The following ACYP2 variants were observed in gnomAD, a reference collection of about 807,000 sequenced individuals.
The protein encoded by ACYP2 is acylphosphatase-2.
In ACYP2, 12 loss-of-function variants were observed where a neutral mutation model predicts 11.2. The ratio of observed to expected loss-of-function variants is 1.08; its 90% CI spans 0.69 to 1.74. The LOEUF is 1.74. Ranked by LOEUF, ACYP2 falls within the 40% of genes most tolerant of loss-of-function variation. The pLI, the probability that ACYP2 is intolerant of heterozygous loss-of-function variation, is 0.00. For missense variants in ACYP2, 134 were observed against 101.9 expected, an observed-to-expected ratio of 1.31 and a Z score of -1.35; for synonymous variants, 43 against 32.2, an observed-to-expected ratio of 1.33 and a Z score of -1.13.
At chr2:54,186,990 T>A (rs1311944439) in intron 6 of ACYP2, among the ~76,000 whole-genome samples, 3 of 152,178 alleles carry the variant, frequency 2.0e-5, no homozygotes, top group Non-Finnish European at 4.4e-5. Flanking sequence ...AAAGGCACAT[T>A]GTCCAGCTTT....
At chr2:53,984,266 A>G (rs1031041953) in intron 2 of ACYP2, among the ~76,000 whole-genome samples, 17 of 152,168 alleles carry the variant, frequency 1.1e-4, no homozygotes, top group African/African-American at 4.1e-4. Flanking sequence ...TCCCACCTGA[A>G]CATAGATGGA....
chr2:54,120,530 G>A (rs1003920079), intron 4 of ACYP2, among the ~76,000 whole-genome samples: 2 of 152,046 alleles, frequency 1.3e-5, no homozygotes, highest in Non-Finnish European at 1.5e-5. Context: ...TTTTGACTGA[G>A]TTTTTTTAGA....
intron 6 of ACYP2, among the ~76,000 whole-genome samples, chr2:54,149,462 T>G (rs1682045096): frequency 6.6e-6 from 1 of 152,266 alleles, no homozygotes; most frequent in Admixed American, 6.5e-5. Context: ...CTGCCAACAT[T>G]TTTTGATGCA....
chr2:54,075,671 G>C (rs192710792), intron 4 of ACYP2, among the ~76,000 whole-genome samples: 4 of 152,172 alleles, frequency 2.6e-5, no homozygotes, highest in South Asian at 2.1e-4. Context: ...AAATTAGCCA[G>C]GTGTGGTGGT....
intron 6 of ACYP2, among the ~76,000 whole-genome samples, chr2:54,146,076 T>A (rs773093120): frequency 6.6e-5 from 10 of 152,256 alleles, no homozygotes; most frequent in Admixed American, 1.3e-4. Context: ...GGCAAAAAGT[T>A]TGCATCTCTG....
intron 6 of ACYP2, among the ~76,000 whole-genome samples, chr2:54,246,738 A>G (rs1686972638): frequency 6.6e-5 from 10 of 152,120 alleles, no homozygotes; most frequent in Admixed American, 6.6e-4. Context: ...TAGGATGTTA[A>G]GTAATGGTGG....
intron 4 of ACYP2, among the ~76,000 whole-genome samples, chr2:54,134,484 T>A (rs1434552238): frequency 6.6e-6 from 1 of 152,218 alleles, no homozygotes; most frequent in Admixed American, 6.5e-5. Flanking sequence ...TCTTAAAAGT[T>A]GAGGACAGCT....
At chr2:54,163,393 G>T (rs1682811038) in intron 6 of ACYP2, among the ~76,000 whole-genome samples, 1 of 152,128 alleles carries the variant, frequency 6.6e-6, no homozygotes. Flanking sequence ...TGTTTGCCAG[G>T]ATCTGTCTCT....
rs1674818490 is a variant in ACYP2 at position 54,035,116 on chromosome 2, TA to T, written c.63-15840del. ...AGCCCCAGCCTTGGGCAAAATCACT[TA>T]ACTTCTCTAGGCCCCAGTTTCTTTT... On this transcript the variant is annotated intron_variant, in intron 2 of 6. Transcript: ENST00000607452. 2.0e-5 allele frequency among the ~76,000 whole-genome samples: 3 copies of T among 151,434 alleles called. No homozygotes were observed. The South Asian group carries it at 6.3e-4, about 32-fold the overall frequency.
chr2:54,066,412 G>A (rs925700722), intron 4 of ACYP2, among the ~76,000 whole-genome samples: 3 of 152,134 alleles, frequency 2.0e-5, no homozygotes, highest in Non-Finnish European at 2.9e-5. Flanking sequence ...AAATTACCCA[G>A]TCTTAAGTAG....
chr2:54,051,382 G>A (rs1302445565), intron 3 of ACYP2: 18 of 753,062 alleles, frequency 2.4e-5, no homozygotes, highest in Non-Finnish European at 3.2e-5. Context: ...AGAGAAAAGT[G>A]AAGACATGGC....
At chr2:54,102,426 A>T (rs1678944456) in intron 4 of ACYP2, among the ~76,000 whole-genome samples, 1 of 152,088 alleles carries the variant, frequency 6.6e-6, no homozygotes, top group African/African-American at 2.4e-5. Flanking sequence ...AACTCAAATG[A>T]TGTCACAGAA....
At chr2:54,086,426 GGTGGCTGTTCC>G (rs1212686613) in intron 4 of ACYP2, among the ~76,000 whole-genome samples, 6 of 152,210 alleles carry the variant, frequency 3.9e-5, no homozygotes, top group Non-Finnish European at 7.3e-5. Context: ...GAGAGCCAAA[GGTGGCTGTTCC>G]CTTGGCTCAT....
At chr2:54,150,379 C>T (rs963905458) in intron 6 of ACYP2, among the ~76,000 whole-genome samples, 1 of 152,154 alleles carries the variant, frequency 6.6e-6, no homozygotes, top group African/African-American at 2.4e-5. Flanking sequence ...ACTAGATGTC[C>T]TCTGAGGTCC....
chr2:54,187,280 A>AT (rs1684052926), intron 6 of ACYP2, among the ~76,000 whole-genome samples: 1 of 152,290 alleles, frequency 6.6e-6, no homozygotes, highest in Admixed American at 6.5e-5. Flanking sequence ...GCCCTCCCAG[A>AT]GTTACAAACC....
chr2:54,020,692 A>T (rs1673960678), intron 2 of ACYP2, among the ~76,000 whole-genome samples: 1 of 152,252 alleles, frequency 6.6e-6, no homozygotes, highest in African/African-American at 2.4e-5. Context: ...TGATCCACAA[A>T]GCCTAAAATA....
intron 6 of ACYP2, among the ~76,000 whole-genome samples, chr2:54,243,767 G>C (rs959989798): frequency 1.6e-4 from 24 of 152,096 alleles, no homozygotes; most frequent in Admixed American, 7.9e-4. Context: ...TAGAGATGGG[G>C]TTTTACCATG....
intron 4 of ACYP2, among the ~76,000 whole-genome samples, chr2:54,067,336 C>G (rs1331856521): frequency 3.9e-5 from 6 of 152,120 alleles, no homozygotes; most frequent in Non-Finnish European, 8.8e-5. Flanking sequence ...ATAAAATTTA[C>G]AGAAGAAGAA....
intron 6 of ACYP2, chr2:54,256,035 C>T: frequency 1.9e-6 from 3 of 1,614,206 alleles, no homozygotes; most frequent in Non-Finnish European, 1.7e-6. Flanking sequence ...GGCCATCAAA[C>T]ATATCTGCCA....
Sources: allele counts gnomAD v4.1 joint callset (sites outside exome capture counted in the v4.1 genomes callset), GRCh38; gene constraint gnomAD v4.1.1; transcripts MANE v1.5; gene names NCBI Gene and HGNC (gene_info 2026-07-23, HGNC 2026-07-21).